ZNF800: variants seen among roughly 807,000 people sequenced by gnomAD.
The protein encoded by ZNF800 is zinc finger protein 800.
A neutral mutation model predicts 59.5 loss-of-function variants in ZNF800; 13 were observed. The observed-to-expected ratio is 0.22, with a 90% confidence interval of 0.14 to 0.35. The LOEUF (loss-of-function observed/expected upper bound fraction) is 0.35. Among genes scored for constraint, ZNF800 ranks in the 10% least tolerant of loss-of-function variants. ZNF800 has a pLI of 1.00. For missense variants in ZNF800, 621 were observed against 783.7 expected (o/e 0.79, Z 2.48); for synonymous variants, 266 against 265.7 (o/e 1.00, Z -0.01).
At chr7:127,343,087 G>A (rs1348488922), downstream of ZNF800, among the ~76,000 whole-genome samples, 1 of 152,008 alleles carries the variant, frequency 6.6e-6, no homozygotes, top group African/African-American at 2.4e-5. Flanking sequence ...AGTCAAAGCT[G>A]TGCCCAAAGG....
chr7:127,352,915 C>G (rs1470940149), intron 1 of ZNF800, among the ~76,000 whole-genome samples: 4 of 149,980 alleles, frequency 2.7e-5, no homozygotes, highest in African/African-American at 4.9e-5. Flanking sequence ...CACACACACA[C>G]ACAATAACCA....
At chr7:127,386,796 T>C (rs1002356303) in intron 2 of ZNF800, among the ~76,000 whole-genome samples, 2 of 152,238 alleles carry the variant, frequency 1.3e-5, no homozygotes, top group Admixed American at 1.3e-4. Flanking sequence ...TCATGGCTGT[T>C]AGAAAGCATG....
At chr7:127,361,592 C>T (rs1323018279) in intron 1 of ZNF800, 3 of 151,820 alleles carry the variant, frequency 2.0e-5, no homozygotes, top group East Asian at 3.9e-4. Flanking sequence ...TCAATCTGGC[C>T]TCAGACATGA....
chr7:127,361,451 A>G (rs1482808355), intron 1 of ZNF800: 1 of 152,042 alleles, frequency 6.6e-6, no homozygotes, highest in Non-Finnish European at 1.5e-5. Context: ...GTGTGGTGGT[A>G]CAGGCTTGTA....
chr7:127,366,816 G>A (rs1403305856), downstream of ZNF800, among the ~76,000 whole-genome samples: 2 of 152,078 alleles, frequency 1.3e-5, no homozygotes, highest in Admixed American at 6.6e-5. Flanking sequence ...TGTCCCAAGA[G>A]CAGCCAATCT....
At position 127,376,848 on chromosome 7, in the gene ZNF800, T is replaced by G. The variant is rs17865996; in HGVS notation, c.301+338A>C. 3.2e-3 allele frequency among the ~76,000 whole-genome samples: 483 copies of G among 152,012 alleles called. 3 individuals carry two copies. The highest frequency in any genetic ancestry group is 0.011 in the African/African-American group (465 of 41,544). ...TGTTAAAGAATAAAGAAGTAAAAAG[T>G]AATATAAACTAGAAAATCCATTTAT... On this transcript the variant is annotated intron_variant, in intron 4 of 5. Transcript: ENST00000265827.
Position 127,373,746 on chromosome 7 carries a change from C to A in ZNF800, c.1590G>T (p.Arg530=). 1 of 1,614,060 alleles carries A rather than the reference C, an allele frequency of 6.2e-7. No individual in the cohort carries two copies. The highest frequency in any genetic ancestry group is 8.5e-7 in the Non-Finnish European group (1 of 1,180,018). ...KCPLCTYETR[R]KRDVIRHITV... ...TTATATGTCGTATCACATCACGTTT[C>A]CGACGAGTTTCATAAGTGCAAAGAG... Residue 530 remains arginine, a synonymous_variant, in exon 5 of 6, where the codon CGG becomes CGT. Transcript: ENST00000265827.
At chr7:127,365,011 G>C (rs1043281545) in intron 1 of ZNF800, among the ~76,000 whole-genome samples, 7 of 152,110 alleles carry the variant, frequency 4.6e-5, no homozygotes, top group African/African-American at 1.7e-4. Flanking sequence ...GGCATGCTTT[G>C]TTTGGATCTG....
At position 127,348,380 on chromosome 7, in the gene ZNF800, G is replaced by A. The variant is rs1280262582; in HGVS notation, n.225-337C>T. Among the ~76,000 whole-genome samples the A allele has an allele frequency of 2.0e-5, 3 of 149,076 alleles. No homozygotes were observed. In the East Asian group the frequency reaches 5.9e-4, roughly 29 times the overall value. ...AATACCTACAAACTTTTCATACAGGGTGTTCAGTGCAGTATCTATAATAGA... is the reference window on the plus strand; with the variant it reads ...AATACCTACAAACTTTTCATACAGGATGTTCAGTGCAGTATCTATAATAGA... On this transcript the variant is annotated intron_variant and non_coding_transcript_variant, in intron 1 of 1. Transcript: ENST00000485577.
chr7:127,390,815 A>G (rs943259826), intron 2 of ZNF800, among the ~76,000 whole-genome samples: 1 of 150,484 alleles, frequency 6.6e-6, no homozygotes, highest in Non-Finnish European at 1.5e-5. Flanking sequence ...CAAGTTTATC[A>G]AATTAAAGTT....
chr7:127,366,594 T>C (rs566167687), downstream of ZNF800, among the ~76,000 whole-genome samples: 1 of 152,302 alleles, frequency 6.6e-6, no homozygotes, highest in African/African-American at 2.4e-5. Context: ...TGATGCTGCA[T>C]TGACCTAACA....
chr7:127,352,646 C>T (rs1051741323), intron 1 of ZNF800, among the ~76,000 whole-genome samples: 2 of 152,216 alleles, frequency 1.3e-5, no homozygotes, highest in African/African-American at 4.8e-5. Flanking sequence ...GAACCATAAA[C>T]ATGAGAAATG....
chr7:127,371,943 G>A (rs554657335), intron 5 of ZNF800, 129 bp from the exon 6 acceptor site: 6 of 590,706 alleles, frequency 1.0e-5, no homozygotes, highest in South Asian at 2.1e-5. Flanking sequence ...ATAAAAAAAC[G>A]TGTGATAATC....
At chr7:127,388,577 G>C (rs1249247231) in intron 2 of ZNF800, among the ~76,000 whole-genome samples, 1 of 151,902 alleles carries the variant, frequency 6.6e-6, no homozygotes, top group Non-Finnish European at 1.5e-5. Flanking sequence ...CTTCTCCTTA[G>C]AGCTCCTGCA....
rs1018643559 is a variant in ZNF800 at position 127,391,619 on chromosome 7, T to C, written c.-58-4A>G. The C allele has an allele frequency of 4.6e-6, 7 of 1,517,986 alleles. No homozygotes were observed. The African/African-American group carries it at 5.5e-5, about 12-fold the overall frequency. 94.0% of individuals were successfully genotyped at this position (1,517,986 alleles called of 1,614,324 possible). On this transcript the variant is annotated splice_polypyrimidine_tract_variant and splice_region_variant and intron_variant, in intron 1 of 5. Coordinates refer to ENST00000265827, the MANE Select transcript of ZNF800 (RefSeq NM_176814.5). ...GAAGCTCTTCATTGCGGCGTGGCTG[T>C]TGAAAGAAGCACAAACCCGTCACTC...
intron 1 of ZNF800, among the ~76,000 whole-genome samples, chr7:127,353,038 T>C (rs1399595399): frequency 6.6e-6 from 1 of 152,134 alleles, no homozygotes; most frequent in Non-Finnish European, 1.5e-5. Flanking sequence ...CAAAGTGGTT[T>C]TTTCCCCCCA....
chr7:127,388,855 G>GA (rs1402087137), intron 2 of ZNF800, among the ~76,000 whole-genome samples: 1 of 152,020 alleles, frequency 6.6e-6, no homozygotes, highest in African/African-American at 2.4e-5. Context: ...TCCTTCACTT[G>GA]AAAACATACT....
intron 2 of ZNF800, among the ~76,000 whole-genome samples, chr7:127,386,356 A>G (rs1562910750): frequency 6.6e-6 from 1 of 152,188 alleles, no homozygotes; most frequent in African/African-American, 2.4e-5. Context: ...AACAATGGAG[A>G]AAAAAACTAA....
At chr7:127,385,869 T>C (rs1307554826) in intron 3 of ZNF800, among the ~76,000 whole-genome samples, 191 bp downstream of exon 3, 1 of 152,138 alleles carries the variant, frequency 6.6e-6, no homozygotes, top group Non-Finnish European at 1.5e-5. Context: ...CCATATATAG[T>C]ACTGAAGAAT....
Sources: allele counts gnomAD v4.1 joint callset (sites outside exome capture counted in the v4.1 genomes callset), GRCh38; gene constraint gnomAD v4.1.1; transcripts MANE v1.5; gene names NCBI Gene and HGNC (gene_info 2026-07-23, HGNC 2026-07-21).